Variants in DTNBP1 observed in about 807,000 individuals in gnomAD.
The protein encoded by DTNBP1 is dysbindin.
DTNBP1 carries 35 observed loss-of-function variants against 42.8 expected under a neutral mutation model. That is an observed-to-expected ratio of 0.82 (90% confidence interval 0.63 to 1.09). The LOEUF (loss-of-function observed/expected upper bound fraction) is 1.09, where lower values mean the gene tolerates loss of function less well. Among genes scored for constraint, DTNBP1 ranks in the 50% least tolerant of loss-of-function variants. DTNBP1 has a pLI of 0.00. For missense variants in DTNBP1, 457 were observed against 424.2 expected (o/e 1.08, Z -0.68); for synonymous variants, 171 against 162.2 (o/e 1.05, Z -0.41).
chr6:15,537,125 AGACTTTTGGCTTAG>A, intron 7 of DTNBP1, among the ~76,000 whole-genome samples: 1 of 152,332 alleles, frequency 6.6e-6, no homozygotes, highest in South Asian at 2.1e-4. Context: ...TTTGGACTTA[AGACTTTTGGCTTAG>A]GCCGGGCGCG....
intron 7 of DTNBP1, among the ~76,000 whole-genome samples, chr6:15,583,772 A>T (rs1277332391): frequency 2.0e-5 from 3 of 152,236 alleles, no homozygotes; most frequent in Non-Finnish European, 2.9e-5. Flanking sequence ...ATTCACTTCT[A>T]AAATACTCTA....
intron 3 of DTNBP1, among the ~76,000 whole-genome samples, chr6:15,647,168 C>T (rs1018544891): frequency 2.0e-5 from 3 of 151,506 alleles, no homozygotes; most frequent in African/African-American, 4.8e-5. Flanking sequence ...AAAAACAACC[C>T]CATTAAAAAG....
chr6:15,526,394 G>C lies in DTNBP1; in HGVS notation c.668-1725C>G, dbSNP rs144518607. ...GGTGCTTAGAGCCACAGCGACGTGA[G>C]ATTGCGGCTTCATCTGGGAGGAAAG... On this transcript the variant is annotated intron_variant, in intron 8 of 9. Transcript: ENST00000344537. 1.7e-3 allele frequency among the ~76,000 whole-genome samples: 255 copies of C among 152,384 alleles called. 2 individuals are homozygous for C. Among genetic ancestry groups the C allele is most frequent in the African/African-American group, 5.3e-3 (219 of 41,594 alleles).
intron 6 of DTNBP1, among the ~76,000 whole-genome samples, chr6:15,597,392 T>C (rs186498791): frequency 6.6e-6 from 1 of 152,256 alleles, no homozygotes; most frequent in African/African-American, 2.4e-5. Context: ...ATGGCAGATA[T>C]TTTACTCTTA....
At chr6:15,585,585 G>A in intron 7 of DTNBP1, 1 of 1,052,948 alleles carries the variant, frequency 9.5e-7, no homozygotes, top group Non-Finnish European at 1.3e-6. Context: ...TTCAAGTCAA[G>A]TTGAAATTTA....
intron 7 of DTNBP1, among the ~76,000 whole-genome samples, chr6:15,591,496 T>C (rs144912256): frequency 1.3e-5 from 2 of 152,328 alleles, no homozygotes; most frequent in East Asian, 1.9e-4. Context: ...TAATGCAACA[T>C]TCAATTTAGG....
chr6:15,627,213 T>C, intron 5 of DTNBP1, 130 bp downstream of exon 5: 1 of 1,202,694 alleles, frequency 8.3e-7, no homozygotes, highest in East Asian at 2.4e-5. Flanking sequence ...AAATATGAAA[T>C]CATGATTTTC....
intron 1 of DTNBP1, among the ~76,000 whole-genome samples, chr6:15,652,509 CAT>C (rs972407450): frequency 2.0e-5 from 3 of 151,898 alleles, no homozygotes; most frequent in South Asian, 2.1e-4. Context: ...CAAATTTTCA[CAT>C]GTTAAAATTT....
intron 7 of DTNBP1, among the ~76,000 whole-genome samples, chr6:15,536,233 A>G (rs1407486636): frequency 2.0e-5 from 3 of 152,254 alleles, no homozygotes; most frequent in East Asian, 1.9e-4. Context: ...AGAAATTTGC[A>G]TAAGTAATAA....
rs184151583 is a variant in DTNBP1, at chr6:15,636,643, G to A, written c.222+1101C>T. 9.2e-5 allele frequency among the ~76,000 whole-genome samples: 14 copies of A among 152,234 alleles called. No homozygotes were observed. The East Asian group carries it at 2.3e-3, about 25-fold the overall frequency. ...TACATTTTTTTTCCCCCTAGCTTAA[G>A]CTTTCACCAGGGGGATGTAGCCACC... On this transcript the variant is annotated intron_variant, in intron 4 of 9. Transcript: ENST00000344537.
At chr6:15,638,020 T>C (rs1760129938) in intron 3 of DTNBP1, among the ~76,000 whole-genome samples, 1 of 152,154 alleles carries the variant, frequency 6.6e-6, no homozygotes, top group Middle Eastern at 3.2e-3. Context: ...AGTAACAGAT[T>C]ATAACTCAAA....
chr6:15,585,685 G>A (rs1561975473), intron 7 of DTNBP1: 3 of 1,532,834 alleles, frequency 2.0e-6, no homozygotes, highest in East Asian at 2.4e-5. Flanking sequence ...AAGGAAAGCA[G>A]CAAAGGAAAA....
At chr6:15,531,509 G>A (rs1772824022) in intron 8 of DTNBP1, among the ~76,000 whole-genome samples, 1 of 152,190 alleles carries the variant, frequency 6.6e-6, no homozygotes, top group African/African-American at 2.4e-5. Context: ...GCATTGGAAG[G>A]TAAACAAGCA....
intron 7 of DTNBP1, chr6:15,579,716 A>G (rs1581352246): frequency 1.9e-5 from 6 of 321,860 alleles, no homozygotes; most frequent in South Asian, 1.3e-4. Flanking sequence ...AAGGCAGGAG[A>G]ATCACTTGAA....
chr6:15,618,798 C>T (rs1758866855), intron 5 of DTNBP1, among the ~76,000 whole-genome samples: 1 of 152,100 alleles, frequency 6.6e-6, no homozygotes, highest in Admixed American at 6.5e-5. Flanking sequence ...CAGCTCTATA[C>T]ACAATAGCCG....
At chr6:15,645,438 T>C (rs1226353844) in intron 3 of DTNBP1, among the ~76,000 whole-genome samples, 2 of 152,052 alleles carry the variant, frequency 1.3e-5, no homozygotes, top group African/African-American at 4.8e-5. Flanking sequence ...CCTCATTCTA[T>C]GCAACTAGTA....
chr6:15,660,813 A>G (rs1761563051), intron 1 of DTNBP1, among the ~76,000 whole-genome samples: 1 of 152,144 alleles, frequency 6.6e-6, no homozygotes, highest in Admixed American at 6.5e-5. Context: ...CAACCATGTG[A>G]CCTAGAGTTA....
intron 6 of DTNBP1, chr6:15,595,360 G>A: frequency 2.7e-6 from 1 of 369,772 alleles, no homozygotes; most frequent in Non-Finnish European, 5.1e-6. Context: ...TGCCTCCCGG[G>A]TTCAAGCAAT....
At chr6:15,612,046 G>A (rs1561990537) in intron 6 of DTNBP1, among the ~76,000 whole-genome samples, 1 of 152,204 alleles carries the variant, frequency 6.6e-6, no homozygotes, top group Non-Finnish European at 1.5e-5. Flanking sequence ...AGCAACGCAT[G>A]CTGCAGAGAA....
Sources: allele counts gnomAD v4.1 joint callset (sites outside exome capture counted in the v4.1 genomes callset), GRCh38; gene constraint gnomAD v4.1.1; transcripts MANE v1.5; gene names NCBI Gene and HGNC (gene_info 2026-07-23, HGNC 2026-07-21).